Variants in PARP1 observed in about 807,000 individuals in gnomAD.
PARP1 encodes poly(ADP-ribose) polymerase 1.
PARP1 carries 44 observed loss-of-function variants against 118.7 expected under a neutral mutation model. The ratio of observed to expected loss-of-function variants is 0.37; its 90% CI spans 0.29 to 0.48. PARP1 has a LOEUF of 0.48. PARP1 is among the 20% of genes least tolerant of loss of function. The pLI, the probability that PARP1 is intolerant of heterozygous loss-of-function variation, is 0.99. For synonymous variants in PARP1, 492 were observed against 483.2 expected (o/e 1.02, Z -0.24); for missense variants, 1,100 against 1,272.4 (o/e 0.86, Z 2.06).
intron 1 of PARP1, among the ~76,000 whole-genome samples, chr1:226,406,034 C>T (rs1392897242): frequency 6.6e-6 from 1 of 152,006 alleles, no homozygotes; most frequent in Non-Finnish European, 1.5e-5. Flanking sequence ...GGTACAGTAA[C>T]CCGTGAGCTT....
chr1:226,403,830 G>C (rs939687862), intron 1 of PARP1, among the ~76,000 whole-genome samples: 2 of 152,216 alleles, frequency 1.3e-5, no homozygotes, highest in East Asian at 3.8e-4. Context: ...TCACACAGAT[G>C]CAATAAGACT....
Position 226,390,509 on chromosome 1 carries a change from C to G in PARP1, c.518G>C (p.Arg173Pro). 2 of 1,614,168 alleles carry G rather than the reference C, an allele frequency of 1.2e-6. No homozygotes were observed. The highest frequency in any genetic ancestry group is 8.5e-7 in the Non-Finnish European group (1 of 1,180,028). The part of the protein sequence containing the change: ...FVKNREELGF[R>P]PEYSASQLKG... ...GAGCTGACTCGCACTGTACTCGGGC[C>G]GGAAACCCAGCTCCTCCCTGTTCTT... is the stretch of plus-strand genomic sequence containing the variant. Residue 173 changes from arginine to proline, a missense_variant, in exon 4 of 23, where the codon CGG becomes CCG. Physicochemically the swap from Arg to Pro is moderately radical, Grantham distance 103. Around this residue, in one of 2 missense-constraint regions of PARP1, gnomAD observed 948 missense variants for 1,031.8 expected, o/e 0.92. Coordinates refer to ENST00000366794, the MANE Select transcript of PARP1 (RefSeq NM_001618.4).
intron 12 of PARP1, among the ~76,000 whole-genome samples, chr1:226,377,544 G>A (rs993704634): frequency 1.3e-5 from 2 of 152,140 alleles, no homozygotes; most frequent in African/African-American, 4.8e-5. Flanking sequence ...ACTTGGTTCT[G>A]GCAGCCAAGC....
rs1268832016 is a variant in PARP1 at position 226,377,194 on chromosome 1, C to CATATA, written c.1850_1854dup (p.Glu619TyrfsTer36). On this transcript the variant is annotated frameshift_variant, in exon 13 of 23. Transcript: ENST00000366794. LOFTEE classifies it high-confidence loss of function. ...TGCCAAGCGTTCCCGGTTTTTTCTT[C>CATATA]ATATAATTTCATGAAGTGCTCAATG... The CATATA allele has an allele frequency of 1.2e-6, 2 of 1,614,040 alleles. No homozygotes were observed. Among genetic ancestry groups the CATATA allele is most frequent in the Non-Finnish European group, 1.7e-6 (2 of 1,179,994 alleles).
intron 19 of PARP1, among the ~76,000 whole-genome samples, 180 bp downstream of exon 19, chr1:226,364,822 C>T (rs1664224520): frequency 6.6e-6 from 1 of 152,230 alleles, no homozygotes. Context: ...CTCCTTTGTT[C>T]CAGAAACTGT....
rs761046396 is a variant in PARP1 at position 226,368,250 on chromosome 1, G to A, written c.2226C>T (p.His742=). The A allele has an allele frequency of 8.1e-6, 13 of 1,614,082 alleles. No homozygotes were observed. The highest frequency in any genetic ancestry group is 2.2e-5 in the East Asian group (1 of 44,898). Reference sequence around the variant, plus strand: ...GCGGAGGCTTCTTCATCCCAAAGTCGTGGGGGATCAGGGTGTAAAAGCGAT... The same window carrying A: ...GCGGAGGCTTCTTCATCCCAAAGTCATGGGGGATCAGGGTGTAAAAGCGAT... ...LSNRFYTLIP[H]DFGMKKPPLL... The change falls in exon 16 of 23, where the codon CAC becomes CAT. Residue 742 remains histidine, a synonymous_variant. Coordinates refer to ENST00000366794, the MANE Select transcript of PARP1 (RefSeq NM_001618.4).
chr1:226,386,745 C>T (rs1030769536), intron 5 of PARP1, among the ~76,000 whole-genome samples: 3 of 152,174 alleles, frequency 2.0e-5, no homozygotes, highest in African/African-American at 7.2e-5. Flanking sequence ...CCCAGAAACA[C>T]CAGGTAAGAG....
chr1:226,362,284 C>G (rs978057937), intron 21 of PARP1: 8 of 534,754 alleles, frequency 1.5e-5, no homozygotes, highest in Non-Finnish European at 2.0e-5. Flanking sequence ...CTCCCGGATT[C>G]AAGCAATTCT....
intron 1 of PARP1, among the ~76,000 whole-genome samples, chr1:226,402,712 G>A (rs3219027): frequency 0.23 from 34,278 of 152,146 alleles, 4,638 homozygotes; most frequent in African/African-American, 0.37. Context: ...GCTACATTTA[G>A]TGGTGAGCTG....
chr1:226,379,337 G>T (rs1337437364), intron 11 of PARP1, 63 bp from the exon 12 acceptor site: 1 of 1,602,336 alleles, frequency 6.2e-7, no homozygotes, highest in East Asian at 2.2e-5. Flanking sequence ...CTCTCACGGA[G>T]AAGGGATCTG....
intron 21 of PARP1, among the ~76,000 whole-genome samples, 163 bp downstream of exon 21, chr1:226,362,936 C>T (rs189120098): frequency 2.0e-5 from 3 of 152,054 alleles, no homozygotes; most frequent in Admixed American, 2.0e-4. Flanking sequence ...CCACCACCCC[C>T]CAAACAACAA....
chr1:226,392,113 C>T (rs764645587), intron 3 of PARP1, 86 bp downstream of exon 3: 444 of 925,846 alleles, frequency 4.8e-4, no homozygotes, highest in Admixed American at 8.6e-4. Context: ...CCTAAAGCCC[C>T]CATTTCTTCT....
intron 5 of PARP1, 35 bp from the exon 6 acceptor site, chr1:226,386,477 C>T: frequency 7.4e-7 from 1 of 1,347,886 alleles, no homozygotes; most frequent in East Asian, 2.3e-5. Context: ...GAGGCTAGCT[C>T]TTTTCAAAGG....
intron 8 of PARP1, 145 bp downstream of exon 8, chr1:226,382,891 C>T: frequency 2.3e-6 from 2 of 860,756 alleles, no homozygotes; most frequent in South Asian, 2.8e-5. Context: ...AGGCCTATCC[C>T]CTGCAGGGCA....
intron 2 of PARP1, among the ~76,000 whole-genome samples, chr1:226,396,163 C>G (rs1287878170): frequency 2.0e-5 from 3 of 151,932 alleles, no homozygotes; most frequent in African/African-American, 7.3e-5. Flanking sequence ...CTGGCCAACA[C>G]AGTGAAACCC....
intron 1 of PARP1, 82 bp downstream of exon 1, chr1:226,407,728 G>GCCCCCCCCCCCCCCCCCCACCC: frequency 7.8e-7 from 1 of 1,289,832 alleles, no homozygotes; most frequent in East Asian, 4.1e-5. Flanking sequence ...CGCTCCCTGG[G>GCCCCCCCCCCCCCCCCCCACCC]CCCGCCCTCC....
At chr1:226,362,885 T>C (rs995394321) in intron 21 of PARP1, among the ~76,000 whole-genome samples, 2 of 150,462 alleles carry the variant, frequency 1.3e-5, no homozygotes, top group Non-Finnish European at 3.0e-5. Context: ...ATAAATAAAA[T>C]GAACCTCCAA....
At chr1:226,393,085 G>A in intron 2 of PARP1, 4 of 1,090,552 alleles carry the variant, frequency 3.7e-6, no homozygotes, top group Non-Finnish European at 4.9e-6. Flanking sequence ...ATATTCCTAA[G>A]AGATATCTTA....
chr1:226,371,393 A>G (rs2102730694), intron 14 of PARP1, among the ~76,000 whole-genome samples: 2 of 152,334 alleles, frequency 1.3e-5, no homozygotes, highest in East Asian at 3.9e-4. Flanking sequence ...GAACTGAACA[A>G]GAATCTTAGA....
Sources: gnomAD v4.1 joint callset for allele counts (sites outside exome capture counted in the v4.1 genomes callset) on GRCh38, gnomAD v4.1.1 for gene constraint, gnomAD v4.1.1 regional missense constraint, MANE v1.5 for transcripts, NCBI Gene and HGNC (gene_info 2026-07-23, HGNC 2026-07-21) for gene names.